HNF4A: variants seen among roughly 807,000 people sequenced by gnomAD.
HNF4A encodes the protein hepatocyte nuclear factor 4 alpha, also known as hepatocyte nuclear factor 4-alpha.
A neutral mutation model predicts 52.4 loss-of-function variants in HNF4A; 15 were observed. The ratio of observed to expected loss-of-function variants is 0.29; its 90% confidence interval spans 0.19 to 0.44. HNF4A has a LOEUF of 0.44. HNF4A is among the 20% of genes least tolerant of loss of function. HNF4A has a pLI of 1.00. For missense variants in HNF4A, 479 were observed against 647.2 expected (o/e 0.74, Z 2.82); for synonymous variants, 280 against 264.4 (o/e 1.06, Z -0.57).
At position 44,429,640 on chromosome 20, in the gene HNF4A, C is replaced by A; in HGVS notation, c.1400C>A (p.Thr467Asn). Residue 467 changes from threonine to asparagine, a missense_variant, in exon 10 of 10, where the codon ACC becomes AAC. Physicochemically the swap from Thr to Asn is moderately conservative, Grantham distance 65. Transcript: ENST00000316099. Reference sequence around the variant, plus strand: ...CCCCTCTCTGCCATCCCCCAGCCGACCATCACCAAGCAGGAAGTTATCTAG... The same window carrying A: ...CCCCTCTCTGCCATCCCCCAGCCGAACATCACCAAGCAGGAAGTTATCTAG... The A allele has an allele frequency of 6.2e-7, 1 of 1,614,080 alleles. No homozygotes were observed. Among genetic ancestry groups the A allele is most frequent in the Non-Finnish European group, 8.5e-7 (1 of 1,180,016 alleles).
chr20:44,393,279 A>G (rs1300417256), intron 1 of HNF4A, among the ~76,000 whole-genome samples: 1 of 152,244 alleles, frequency 6.6e-6, no homozygotes, highest in East Asian at 1.9e-4. Context: ...CTCAGCCCAG[A>G]TGTCATAAGC....
chr20:44,413,589 C>G (rs748726742), intron 3 of HNF4A, 105 bp from the exon 4 acceptor site: 23 of 792,114 alleles, frequency 2.9e-5, no homozygotes, highest in Non-Finnish European at 4.8e-5. Flanking sequence ...GGCCTGTTCT[C>G]TGGACACCCC....
chr20:44,363,806 C>T (rs558329146), intron 1 of HNF4A, among the ~76,000 whole-genome samples: 1 of 148,584 alleles, frequency 6.7e-6, no homozygotes, highest in East Asian at 2.1e-4. Flanking sequence ...AAGCAATTCT[C>T]ATGCCTCAGC....
At chr20:44,408,740 G>A (rs11574732) in intron 3 of HNF4A, among the ~76,000 whole-genome samples, 29,916 of 151,822 alleles carry the variant, frequency 0.2, 3,644 homozygotes, top group African/African-American at 0.35. Flanking sequence ...AAATAAAAAA[G>A]TAACGAGTTC....
chr20:44,414,455 G>T, intron 4 of HNF4A, 52 bp from the exon 5 acceptor site: 1 of 1,613,080 alleles, frequency 6.2e-7, no homozygotes, highest in Non-Finnish European at 8.5e-7. Flanking sequence ...GGGACAGAGA[G>T]TGCGGGAGGG....
At chr20:44,358,902 G>A (rs2062888767) in intron 1 of HNF4A, among the ~76,000 whole-genome samples, 1 of 152,156 alleles carries the variant, frequency 6.6e-6, no homozygotes, top group Non-Finnish European at 1.5e-5. Flanking sequence ...GGATTCTAAA[G>A]AGCTGCTCTT....
intron 1 of HNF4A, among the ~76,000 whole-genome samples, chr20:44,367,057 C>T (rs930707054): frequency 2.6e-5 from 4 of 152,218 alleles, no homozygotes; most frequent in South Asian, 2.1e-4. Context: ...AACTCCTGGC[C>T]GGGTGCGGTG....
rs8115918 is a variant in HNF4A, at chr20:44,371,553, G to A, written c.49+15700G>A. Among the ~76,000 whole-genome samples, 762 of 152,266 alleles carry A rather than the reference G, an allele frequency of 5.0e-3. 7 individuals are homozygous for A. Among genetic ancestry groups the A allele is most frequent in the African/African-American group, 0.017 (689 of 41,560 alleles). Reference sequence around the variant, plus strand: ...AATACAAAAATTAGAGGCTGGGCCCGGTGGCTCACACCTGTAATCCCAGCA... The same window carrying A: ...AATACAAAAATTAGAGGCTGGGCCCAGTGGCTCACACCTGTAATCCCAGCA... On this transcript the variant is annotated intron_variant, in intron 1 of 9. Transcript: ENST00000316673.
chr20:44,419,035 C>T (rs1402994079), intron 6 of HNF4A, among the ~76,000 whole-genome samples: 1 of 152,180 alleles, frequency 6.6e-6, no homozygotes, highest in Non-Finnish European at 1.5e-5. Flanking sequence ...CTCAGTCTCC[C>T]AAAGTGCTGG....
At chr20:44,369,989 G>C (rs1286566808) in intron 1 of HNF4A, among the ~76,000 whole-genome samples, 2 of 151,778 alleles carry the variant, frequency 1.3e-5, no homozygotes, top group African/African-American at 2.4e-5. Context: ...TTCTCCCTTT[G>C]GTCACTGCAG....
chr20:44,405,044 T>TTGTGTGTGGACTGTGTGGTGCA, intron 1 of HNF4A, among the ~76,000 whole-genome samples: 1 of 47,102 alleles, frequency 2.1e-5, no homozygotes, highest in African/African-American at 8.7e-5. Context: ...GTGTGTGTGC[T>TTGTGTGTGGACTGTGTGGTGCA]TGTGTGTGGA....
chr20:44,393,469 T>G (rs115324249), intron 1 of HNF4A, among the ~76,000 whole-genome samples: 1,704 of 152,282 alleles, frequency 0.011, 40 homozygotes, highest in African/African-American at 0.039. Context: ...CTGGCATCCC[T>G]GGAAGGGAAG....
chr20:44,397,447 CA>C (rs2063363119), upstream of HNF4A, among the ~76,000 whole-genome samples: 1 of 152,152 alleles, frequency 6.6e-6, no homozygotes, highest in Non-Finnish European at 1.5e-5. Context: ...TCACCTCAAA[CA>C]TTTATCATTT....
chr20:44,368,469 G>A (rs577307624), intron 1 of HNF4A, among the ~76,000 whole-genome samples: 1 of 151,912 alleles, frequency 6.6e-6, no homozygotes, highest in South Asian at 2.1e-4. Context: ...GCCCTGCCAG[G>A]AAGATGGGTT....
At chr20:44,380,786 A>G (rs182681660) in intron 1 of HNF4A, among the ~76,000 whole-genome samples, 170 of 152,320 alleles carry the variant, frequency 1.1e-3, no homozygotes, top group African/African-American at 4.0e-3. Context: ...CAATTTATCT[A>G]ATTTTTAAAA....
At chr20:44,426,207 C>T (rs910382911) in intron 8 of HNF4A, among the ~76,000 whole-genome samples, 2 of 151,750 alleles carry the variant, frequency 1.3e-5, no homozygotes, top group Non-Finnish European at 2.9e-5. Context: ...TTAAACTCTA[C>T]AGAGAAACAG....
chr20:44,420,225 G>A (rs750134774), intron 7 of HNF4A, among the ~76,000 whole-genome samples: 21 of 151,960 alleles, frequency 1.4e-4, no homozygotes, highest in Non-Finnish European at 2.4e-4. Context: ...CCAGCTATTC[G>A]GGAGGCTGAG....
chr20:44,385,067 T>C (rs2063205810), intron 1 of HNF4A, among the ~76,000 whole-genome samples: 1 of 123,914 alleles, frequency 8.1e-6, no homozygotes, highest in African/African-American at 3.6e-5. Context: ...ATCTTTTTTT[T>C]TTTTTTTTTT....
rs372375706 is a variant in HNF4A at position 44,418,526 on chromosome 20, C to G, written c.736+14C>G. 1.2e-5 allele frequency: 20 copies of G among 1,602,114 alleles called. No homozygotes were observed. Among genetic ancestry groups the G allele is most frequent in the Non-Finnish European group, 1.6e-5 (19 of 1,172,644 alleles). On this transcript the variant is annotated intron_variant, in intron 6 of 9. Transcript: ENST00000316099. ...TGCTGCTCCTAGGTGAGGCGGCTGC[C>G]TGCCCTGGCCAGGGCTCCAGGGAGG...
Sources: gnomAD v4.1 joint callset for allele counts (sites outside exome capture counted in the v4.1 genomes callset) on GRCh38, gnomAD v4.1.1 for gene constraint, MANE v1.5 for transcripts, NCBI Gene and HGNC (gene_info 2026-07-23, HGNC 2026-07-21) for gene names.